Variants in CCDC66 observed in about 807,000 individuals in gnomAD.
CCDC66 encodes the protein coiled-coil domain containing 66, also known as coiled-coil domain-containing protein 66.
CCDC66 carries 133 observed loss-of-function variants against 128.3 expected under a neutral mutation model. The observed-to-expected ratio is 1.04, with a 90% CI of 0.90 to 1.20. The LOEUF is 1.20. Among genes scored for constraint, CCDC66 ranks in the 50% most tolerant of loss-of-function variants. The pLI is 0.00. For synonymous variants in CCDC66, 387 were observed against 357.0 expected, an observed-to-expected ratio of 1.08 and a Z score of -0.95; for missense variants, 1,126 against 1,075.5, an observed-to-expected ratio of 1.05 and a Z score of -0.66.
At chr3:56,606,855 T>G (rs1232546319) in intron 10 of CCDC66, among the ~76,000 whole-genome samples, 1 of 152,050 alleles carries the variant, frequency 6.6e-6, no homozygotes, top group Non-Finnish European at 1.5e-5. Flanking sequence ...CATTCTCCTA[T>G]ATGTGGCTAG....
At chr3:56,594,063 T>G in intron 10 of CCDC66, 35 bp downstream of exon 10, 2 of 1,555,398 alleles carry the variant, frequency 1.3e-6, no homozygotes, top group Admixed American at 1.7e-5. Context: ...TTTACCTTAA[T>G]AAGTAACAGT....
intron 10 of CCDC66, among the ~76,000 whole-genome samples, chr3:56,600,943 A>G (rs1446229163): frequency 1.3e-5 from 2 of 151,928 alleles, no homozygotes; most frequent in Non-Finnish European, 2.9e-5. Context: ...GTTCACTCTG[A>G]TGATAGTTTC....
At chr3:56,571,485 G>C (rs976266874) in intron 7 of CCDC66, 183 bp downstream of exon 7, 1 of 402,192 alleles carries the variant, frequency 2.5e-6, no homozygotes. Flanking sequence ...AGGCTCAAGC[G>C]ATTCTCCTGC....
chr3:56,603,034 A>G (rs1350601221), intron 10 of CCDC66, among the ~76,000 whole-genome samples: 1 of 151,538 alleles, frequency 6.6e-6, no homozygotes, highest in Admixed American at 6.6e-5. Flanking sequence ...ACGGGGTTTC[A>G]CCGTGTTAGC....
intron 3 of CCDC66, among the ~76,000 whole-genome samples, chr3:56,562,375 A>G (rs1482534102): frequency 2.6e-5 from 4 of 152,030 alleles, no homozygotes; most frequent in Admixed American, 2.0e-4. Flanking sequence ...TTTTTCTTCA[A>G]TCTGTGGTAA....
At chr3:56,571,388 GTTTT>G in intron 7 of CCDC66, 86 bp downstream of exon 7, 1 of 538,230 alleles carries the variant, frequency 1.9e-6, no homozygotes, top group Non-Finnish European at 2.8e-6. Context: ...AAAAAAAAAA[GTTTT>G]TTTTTTGAGA....
intron 3 of CCDC66, 38 bp downstream of exon 3, chr3:56,559,632 G>A (rs1471919556): frequency 1.4e-6 from 2 of 1,470,184 alleles, no homozygotes; most frequent in Non-Finnish European, 1.8e-6. Context: ...GTTTTCAAAT[G>A]TAAAATGCAG....
chr3:56,603,452 T>C (rs2073570531), intron 10 of CCDC66, among the ~76,000 whole-genome samples: 2 of 152,100 alleles, frequency 1.3e-5, no homozygotes, highest in African/African-American at 4.8e-5. Flanking sequence ...TAAACACTGC[T>C]TTAAATGTGT....
At chr3:56,613,906 A>G (rs7612599) in intron 11 of CCDC66, among the ~76,000 whole-genome samples, 156 bp downstream of exon 11, 49,055 of 151,880 alleles carry the variant, frequency 0.32, 8,386 homozygotes, top group East Asian at 0.48. Context: ...TGGTCTCCTC[A>G]GTAGCAGGGA....
chr3:56,615,536 G>A, intron 12 of CCDC66: 1 of 371,394 alleles, frequency 2.7e-6, no homozygotes, highest in Non-Finnish European at 4.8e-6. Flanking sequence ...ACTGCACCCA[G>A]CCTAAATGAT....
chr3:56,566,556 T>C, intron 4 of CCDC66, 38 bp from the exon 5 acceptor site: 1 of 1,308,626 alleles, frequency 7.6e-7, no homozygotes, highest in Non-Finnish European at 1.1e-6. Flanking sequence ...ACAGATGTAA[T>C]TTAGTGTTAA....
chr3:56,614,981 G>A (rs934559367), intron 11 of CCDC66, 147 bp from the exon 12 acceptor site: 4 of 585,990 alleles, frequency 6.8e-6, no homozygotes, highest in Non-Finnish European at 1.1e-5. Flanking sequence ...CAAAAGGGCA[G>A]GAACTTTGCC....
chr3:56,585,029 C>T (rs369273272), intron 7 of CCDC66, among the ~76,000 whole-genome samples: 2 of 148,302 alleles, frequency 1.3e-5, no homozygotes, highest in African/African-American at 5.0e-5. Flanking sequence ...TGCAGTGAGC[C>T]GAGATGGCAG....
At position 56,580,698 on chromosome 3, in the gene CCDC66, G is replaced by C. The variant is rs1033165594; in HGVS notation, c.936+9396G>C. 3.3e-5 allele frequency among the ~76,000 whole-genome samples: 5 copies of C among 151,794 alleles called. No individual in the cohort carries two copies. The South Asian group carries it at 6.2e-4, about 19-fold the overall frequency. On this transcript the variant is annotated intron_variant, in intron 7 of 17. Coordinates refer to ENST00000394672, the MANE Select transcript of CCDC66 (RefSeq NM_001141947.3). ...TAGTTTGGCTGGATATGAAATTCTG[G>C]GTTGAAAATTCTTTTCTTTAAGAAT...
intron 7 of CCDC66, among the ~76,000 whole-genome samples, chr3:56,573,297 C>T (rs1021889496): frequency 6.6e-6 from 1 of 151,964 alleles, no homozygotes; most frequent in Non-Finnish European, 1.5e-5. Context: ...GATGAAATGA[C>T]GAGGCTCATG....
rs1225686985 is a variant in CCDC66 at position 56,575,739 on chromosome 3, T to A, written c.936+4437T>A. Among the ~76,000 whole-genome samples the A allele has an allele frequency of 5.9e-5, 9 of 151,914 alleles. No homozygotes were observed. In the Admixed American group the frequency reaches 5.9e-4, roughly 10 times the overall value. On this transcript the variant is annotated intron_variant, in intron 7 of 17. Transcript: ENST00000394672. ...TTATGTTTAGGTCTTTGATCTATTT[T>A]GAATTAAGTTTTCTATATGGTATAA...
intron 15 of CCDC66, chr3:56,619,026 C>T (rs1186844911): frequency 2.9e-6 from 1 of 345,186 alleles, no homozygotes; most frequent in Admixed American, 4.7e-5. Context: ...CAAGACCAGC[C>T]TGGCCAACTT....
intron 10 of CCDC66, 107 bp downstream of exon 10, chr3:56,594,135 GGTCCTGTCCA>G: frequency 1.0e-6 from 1 of 983,844 alleles, no homozygotes. Flanking sequence ...TTACAGCATA[GGTCCTGTCCA>G]GTTGTGTCAC....
At position 56,617,291 on chromosome 3, in the gene CCDC66, A is replaced by C. The variant is rs1261339304; in HGVS notation, c.2023A>C (p.Asn675His). The C allele has an allele frequency of 6.2e-6, 10 of 1,613,664 alleles. No homozygotes were observed. Among genetic ancestry groups the C allele is most frequent in the Non-Finnish European group, 7.6e-6 (9 of 1,179,914 alleles). The change falls in exon 14 of 18, where the codon AAT becomes CAT. Residue 675 changes from asparagine (N) to histidine (H), a missense_variant. By Grantham distance (68) the Asn-to-His change is moderately conservative (BLOSUM62 1). Coordinates refer to ENST00000394672, the MANE Select transcript of CCDC66 (RefSeq NM_001141947.3). ...AGGAGCCAGCTTAGAAAAAGAAAACAATCGGTGTAATGACCAGTGTAATCA... is the reference window on the plus strand; with the variant it reads ...AGGAGCCAGCTTAGAAAAAGAAAACCATCGGTGTAATGACCAGTGTAATCA... ...DKGASLEKEN[N>H]RCNDQCNQFT...
Sources: allele counts gnomAD v4.1 joint callset (sites outside exome capture counted in the v4.1 genomes callset), GRCh38; gene constraint gnomAD v4.1.1; transcripts MANE v1.5; gene names NCBI Gene and HGNC (gene_info 2026-07-23, HGNC 2026-07-21).